ATP8A1: variants seen among roughly 807,000 people sequenced by gnomAD.
ATP8A1 encodes the protein ATPase phospholipid transporting 8A1.
A neutral mutation model predicts 177.7 loss-of-function variants in ATP8A1; 90 were observed. That is an observed-to-expected ratio of 0.51 (90% CI 0.43 to 0.60). The LOEUF is 0.60. Among genes scored for constraint, ATP8A1 ranks in the 20% least tolerant of loss-of-function variants. ATP8A1 has a pLI of 0.00. For missense variants in ATP8A1, 1,072 were observed against 1,392.8 expected, an observed-to-expected ratio of 0.77 and a Z score of 3.67; for synonymous variants, 493 against 485.9, an observed-to-expected ratio of 1.01 and a Z score of -0.19.
At chr4:42,647,999 A>G (rs1740709301) in intron 1 of ATP8A1, among the ~76,000 whole-genome samples, 1 of 152,232 alleles carries the variant, frequency 6.6e-6, no homozygotes, top group Non-Finnish European at 1.5e-5. Context: ...TTTAAAACCT[A>G]CAGAGACAAA....
intron 7 of ATP8A1, among the ~76,000 whole-genome samples, chr4:42,590,572 C>G (rs1004695652): frequency 6.6e-6 from 1 of 152,110 alleles, no homozygotes; most frequent in Admixed American, 6.5e-5. Context: ...TGTCATGCCT[C>G]TTAGACTCCT....
At chr4:42,473,582 T>G (rs1720708744) in intron 25 of ATP8A1, among the ~76,000 whole-genome samples, 1 of 152,194 alleles carries the variant, frequency 6.6e-6, no homozygotes, top group African/African-American at 2.4e-5. Flanking sequence ...TGCCCTGTGA[T>G]CTCTTTTCCT....
chr4:42,550,279 A>C (rs1475396526), intron 18 of ATP8A1, among the ~76,000 whole-genome samples: 1 of 151,528 alleles, frequency 6.6e-6, no homozygotes, highest in Non-Finnish European at 1.5e-5. Flanking sequence ...TGAATCAATA[A>C]CTCATTCTTT....
chr4:42,624,104 A>G (rs1305955020), intron 4 of ATP8A1, among the ~76,000 whole-genome samples: 1 of 152,132 alleles, frequency 6.6e-6, no homozygotes, highest in Non-Finnish European at 1.5e-5. Flanking sequence ...AATGAGATAA[A>G]GGAAAAAGAA....
intron 5 of ATP8A1, among the ~76,000 whole-genome samples, chr4:42,601,411 T>C (rs1414302008): frequency 6.6e-6 from 1 of 151,714 alleles, no homozygotes; most frequent in Non-Finnish European, 1.5e-5. Flanking sequence ...ACTATTAAAT[T>C]ATGATGGGGG....
chr4:42,593,027 A>G (rs1443402681), intron 6 of ATP8A1, among the ~76,000 whole-genome samples: 2 of 152,130 alleles, frequency 1.3e-5, no homozygotes. Flanking sequence ...ATCAATTTAA[A>G]CAAAAAGAAT....
chr4:42,481,994 C>T (rs1414447967), intron 25 of ATP8A1, among the ~76,000 whole-genome samples: 1 of 152,110 alleles, frequency 6.6e-6, no homozygotes, highest in African/African-American at 2.4e-5. Context: ...ACAGAAGCTG[C>T]ACAGTATCTA....
intron 20 of ATP8A1, among the ~76,000 whole-genome samples, chr4:42,530,616 C>A (rs1727167584): frequency 6.6e-6 from 1 of 152,170 alleles, no homozygotes; most frequent in African/African-American, 2.4e-5. Flanking sequence ...ACTGGTCTTA[C>A]CATGGAACTC....
At chr4:42,483,616 C>T (rs576478396) in intron 25 of ATP8A1, among the ~76,000 whole-genome samples, 2 of 152,228 alleles carry the variant, frequency 1.3e-5, no homozygotes, top group South Asian at 2.1e-4. Context: ...ACAAGGATTT[C>T]GGGAGGGAAT....
At position 42,573,143 on chromosome 4, in the gene ATP8A1, G is replaced by T. The variant is rs535836951; in HGVS notation, c.1295+1476C>A. On this transcript the variant is annotated intron_variant, in intron 14 of 36. Coordinates refer to ENST00000381668, the MANE Select transcript of ATP8A1 (RefSeq NM_006095.2). ...AGGCTAGATCTGATTTTAGCTTTCT[G>T]TTCTGAAAATTTCACAATCAATAAT... Among the ~76,000 whole-genome samples, 138 of 152,290 alleles carry T rather than the reference G, an allele frequency of 9.1e-4. No individual in the cohort carries two copies. In the Middle Eastern group the frequency reaches 0.021, roughly 23 times the overall value.
intron 24 of ATP8A1, among the ~76,000 whole-genome samples, chr4:42,494,162 C>CA (rs397993131): frequency 0.36 from 19,062 of 53,320 alleles, 6,837 homozygotes; most frequent in South Asian, 0.54. Context: ...GATCATGCCA[C>CA]AAAAAAAAAA....
At position 42,566,406 on chromosome 4, in the gene ATP8A1, A is replaced by G. The variant is rs138579353; in HGVS notation, c.1340+2755T>C. 7.2e-5 allele frequency among the ~76,000 whole-genome samples: 11 copies of G among 152,330 alleles called. No homozygotes were observed. In the East Asian group the frequency reaches 1.9e-3, roughly 27 times the overall value. On this transcript the variant is annotated intron_variant, in intron 15 of 36. Transcript: ENST00000381668. Reference sequence around the variant, plus strand: ...ATACTCTTTACTCCTGAAGATCAGCATGAAGATGCAGTCAGATGCCTGGAG... The same window carrying G: ...ATACTCTTTACTCCTGAAGATCAGCGTGAAGATGCAGTCAGATGCCTGGAG...
intron 32 of ATP8A1, 141 bp from the exon 33 acceptor site, chr4:42,443,813 G>A: frequency 1.8e-6 from 1 of 542,424 alleles, no homozygotes; most frequent in East Asian, 3.0e-5. Context: ...ACCTAATTGT[G>A]TGTGTTTTTT....
At chr4:42,560,264 G>C (rs1485076082) in intron 15 of ATP8A1, among the ~76,000 whole-genome samples, 1 of 152,134 alleles carries the variant, frequency 6.6e-6, no homozygotes, top group Non-Finnish European at 1.5e-5. Context: ...CTTGAAATTA[G>C]TCACACAGGC....
At chr4:42,474,644 C>T (rs374169686) in intron 25 of ATP8A1, among the ~76,000 whole-genome samples, 10 of 152,070 alleles carry the variant, frequency 6.6e-5, no homozygotes, top group South Asian at 2.1e-4. Context: ...CCACCTCACA[C>T]GGGGAATTCC....
chr4:42,531,583 A>C (rs1463871699), intron 20 of ATP8A1, among the ~76,000 whole-genome samples: 1 of 152,180 alleles, frequency 6.6e-6, no homozygotes, highest in Non-Finnish European at 1.5e-5. Flanking sequence ...TCAACAAGAG[A>C]AAAAAATAAA....
At chr4:42,443,727 A>G in intron 32 of ATP8A1, 55 bp from the exon 33 acceptor site, 1 of 781,218 alleles carries the variant, frequency 1.3e-6, no homozygotes, top group Non-Finnish European at 2.3e-6. Flanking sequence ...GAGTACACAA[A>G]TACTAATGAA....
intron 22 of ATP8A1, among the ~76,000 whole-genome samples, chr4:42,516,041 T>A (rs962151137): frequency 5.3e-5 from 8 of 152,368 alleles, no homozygotes; most frequent in African/African-American, 1.9e-4. Context: ...CAGGCTTTCA[T>A]TAAGCAAGTA....
chr4:42,520,287 T>C (rs1233793266), intron 22 of ATP8A1, among the ~76,000 whole-genome samples: 2 of 152,102 alleles, frequency 1.3e-5, no homozygotes, highest in African/African-American at 4.8e-5. Flanking sequence ...TTCTGTCTCA[T>C]GAGGATTATA....
Sources: gnomAD v4.1 joint callset for allele counts (sites outside exome capture counted in the v4.1 genomes callset) on GRCh38, gnomAD v4.1.1 for gene constraint, MANE v1.5 for transcripts, NCBI Gene and HGNC (gene_info 2026-07-23, HGNC 2026-07-21) for gene names.